FCRL4: variants seen among roughly 807,000 people sequenced by gnomAD.
FCRL4 encodes Fc receptor-like protein 4.
FCRL4 carries 43 observed loss-of-function variants against 64.1 expected under a neutral mutation model. The ratio of observed to expected loss-of-function variants is 0.67; its 90% confidence interval spans 0.53 to 0.87. The LOEUF (loss-of-function observed/expected upper bound fraction) is 0.87, where lower values mean the gene tolerates loss of function less well. Ranked by LOEUF, FCRL4 falls within the 40% of genes least tolerant of loss-of-function variation. The pLI, the probability that FCRL4 is intolerant of heterozygous loss-of-function variation, is 0.00. For missense variants in FCRL4, 656 were observed against 613.5 expected (o/e 1.07, Z -0.73); for synonymous variants, 253 against 239.8 (o/e 1.05, Z -0.51).
chr1:157,584,683 G>A (rs1652634523), intron 6 of FCRL4, among the ~76,000 whole-genome samples: 1 of 152,086 alleles, frequency 6.6e-6, no homozygotes, highest in Non-Finnish European at 1.5e-5. Flanking sequence ...AACCTGGTGG[G>A]CCCTGCTTGA....
At chr1:157,577,283 A>G (rs1269583707) in intron 10 of FCRL4, among the ~76,000 whole-genome samples, 1 of 152,218 alleles carries the variant, frequency 6.6e-6, no homozygotes, top group Non-Finnish European at 1.5e-5. Flanking sequence ...ATACTGGGAT[A>G]TAGAGCTCCC....
chr1:157,578,507 T>C lies in FCRL4; in HGVS notation c.1396A>G (p.Ile466Val). The change falls in exon 10 of 12, where the codon ATC becomes GTC. Residue 466 changes from isoleucine to valine, a missense_variant. Coordinates refer to ENST00000271532, the MANE Select transcript of FCRL4 (RefSeq NM_031282.3). The part of the protein sequence containing the change: ...PKKGDLVYSE[I>V]QTTQLGEEEE... Reference sequence around the variant, plus strand: ...TCTTCTCCCAGCTGAGTAGTCTGGATCTCAGAGTATACCAAATCTCCCTTT... The same window carrying C: ...TCTTCTCCCAGCTGAGTAGTCTGGACCTCAGAGTATACCAAATCTCCCTTT... The C allele has an allele frequency of 6.2e-7, 1 of 1,614,022 alleles. No homozygotes were observed.
Position 157,575,207 on chromosome 1 carries a change from C to G in FCRL4, c.*317G>C, listed in dbSNP as rs1043259997. ...AAATTTGTGCTTCTGTTTTTCATAA[C>G]AGTCCTTCTCTCTCTTTATCCCCCT... On this transcript the variant is annotated 3_prime_UTR_variant, in exon 12 of 12. Coordinates refer to ENST00000271532, the MANE Select transcript of FCRL4 (RefSeq NM_031282.3). 2.0e-5 allele frequency: 7 copies of G among 355,634 alleles called. No individual in the cohort carries two copies. The highest frequency in any genetic ancestry group is 1.4e-4 in the African/African-American group (7 of 49,050). The allele number at this position is 355,634 out of a possible 1,614,324, so 22.0% of individuals were successfully genotyped here. A position where few individuals can be genotyped will look rare whatever the true frequency, so the allele number is the denominator to read the frequency against.
At chr1:157,584,808 C>T (rs933176343) in intron 6 of FCRL4, among the ~76,000 whole-genome samples, 1 of 152,132 alleles carries the variant, frequency 6.6e-6, no homozygotes, top group Non-Finnish European at 1.5e-5. Flanking sequence ...TGGCTTTGAC[C>T]GTCAGAGCTG....
intron 7 of FCRL4, 56 bp from the exon 8 acceptor site, chr1:157,580,404 A>G (rs1219090740): frequency 2.5e-6 from 4 of 1,573,558 alleles, no homozygotes; most frequent in Non-Finnish European, 3.5e-6. Flanking sequence ...TTTCTCAATG[A>G]CTTCATGTAA....
At chr1:157,583,812 T>A (rs1652615370) in intron 6 of FCRL4, among the ~76,000 whole-genome samples, 1 of 152,236 alleles carries the variant, frequency 6.6e-6, no homozygotes, top group African/African-American at 2.4e-5. Context: ...CTTTGCTATA[T>A]ATTCTCCTAT....
intron 8 of FCRL4, among the ~76,000 whole-genome samples, chr1:157,579,471 C>A (rs553600723): frequency 8.9e-4 from 136 of 152,264 alleles, no homozygotes; most frequent in Non-Finnish European, 5.3e-4. Context: ...AATCCCAGCA[C>A]TTTGGGAGGC....
intron 8 of FCRL4, among the ~76,000 whole-genome samples, chr1:157,579,672 G>A (rs898272133): frequency 2.1e-5 from 3 of 146,278 alleles, no homozygotes; most frequent in Non-Finnish European, 4.5e-5. Flanking sequence ...AGCTAAGATC[G>A]TGCCACTGCA....
chr1:157,588,073 T>C lies in FCRL4; in HGVS notation c.354A>G (p.Thr118=), dbSNP rs748170757. 1 of 1,613,862 alleles carries C rather than the reference T, an allele frequency of 6.2e-7. No individual in the cohort carries two copies. The highest frequency in any genetic ancestry group is 8.5e-7 in the Non-Finnish European group (1 of 1,179,910). Reference sequence around the variant, plus strand: ...TTCTTCTGTGGCATCTCAGAACCAATGTGTCACCTTCAAACACAGAATATG... The same window carrying C: ...TTCTTCTGTGGCATCTCAGAACCAACGTGTCACCTTCAAACACAGAATATG... ...QAPYSVFEGD[T]LVLRCHRRRK... Residue 118 remains threonine (T), a synonymous_variant, in exon 4 of 12, where the codon ACA becomes ACG. Transcript: ENST00000271532.
chr1:157,584,377 T>TA (rs72402109), intron 6 of FCRL4, among the ~76,000 whole-genome samples: 4,417 of 148,384 alleles, frequency 0.03, 149 homozygotes, highest in African/African-American at 0.081. Flanking sequence ...AAAAATAAAT[T>TA]AAAAAAAAAA....
In FCRL4 at chr1:157,575,528, C is replaced by T. The variant is rs771971609; in HGVS notation, c.1544G>A (p.Ser515Asn). Residue 515 changes from serine to asparagine, a missense_variant, in exon 12 of 12, where the codon AGT becomes AAT. Transcript: ENST00000271532. The stretch of plus-strand genomic sequence containing the variant: ...TTCTCGTAACTTTTCATTCTCTTAA[C>T]TTTCTTCATCCTTAGAGCTGATCTT... The part of the protein sequence containing the change: ...AGKISSKDEE[S>N] The T allele has an allele frequency of 1.9e-6, 3 of 1,612,640 alleles. No individual in the cohort carries two copies. In the Admixed American group the frequency reaches 5.0e-5, roughly 27 times the overall value.
chr1:157,591,438 G>T (rs912963682), intron 2 of FCRL4, among the ~76,000 whole-genome samples: 2 of 152,182 alleles, frequency 1.3e-5, no homozygotes, highest in Admixed American at 6.5e-5. Context: ...TGAGCATGTG[G>T]TGGGACAGGG....
chr1:157,596,006 T>C (rs984820399), intron 2 of FCRL4, among the ~76,000 whole-genome samples: 1 of 152,236 alleles, frequency 6.6e-6, no homozygotes, highest in Admixed American at 6.5e-5. Context: ...CCTTTTCCTC[T>C]TGGGATGCTA....
chr1:157,577,276 C>G (rs142918259), intron 10 of FCRL4, among the ~76,000 whole-genome samples: 3 of 152,240 alleles, frequency 2.0e-5, no homozygotes, highest in African/African-American at 7.2e-5. Flanking sequence ...TTCCCTGATA[C>G]TGGGATATAG....
At chr1:157,588,565 C>T (rs1419631877) in intron 3 of FCRL4, among the ~76,000 whole-genome samples, 2 of 152,208 alleles carry the variant, frequency 1.3e-5, no homozygotes, top group Admixed American at 6.5e-5. Flanking sequence ...GTTGAAGGGA[C>T]AGTGGATGTG....
In FCRL4 at chr1:157,578,463, C is replaced by G; in HGVS notation, c.1429+11G>C. On this transcript the variant is annotated intron_variant, in intron 10 of 11. Coordinates refer to ENST00000271532, the MANE Select transcript of FCRL4 (RefSeq NM_031282.3). ...ATAGTTTGCAGCCAGAATCTCTTCC[C>G]AAAGACGTACCTTCCTCTTCTTCTC... 1 of 1,609,396 alleles carries G rather than the reference C, an allele frequency of 6.2e-7. No homozygotes were observed. The highest frequency in any genetic ancestry group is 8.5e-7 in the Non-Finnish European group (1 of 1,175,734).
chr1:157,593,913 T>C (rs1290986923), intron 2 of FCRL4, among the ~76,000 whole-genome samples: 2 of 152,236 alleles, frequency 1.3e-5, no homozygotes, highest in African/African-American at 2.4e-5. Context: ...ATAATACTAC[T>C]ATCTAGCCTT....
chr1:157,592,547 T>C (rs1056401617), intron 2 of FCRL4, among the ~76,000 whole-genome samples: 9 of 152,302 alleles, frequency 5.9e-5, no homozygotes, highest in African/African-American at 1.7e-4. Flanking sequence ...TACCATCTCA[T>C]GCCAGTTAGA....
intron 1 of FCRL4, among the ~76,000 whole-genome samples, chr1:157,597,330 T>C (rs1208236719): frequency 6.6e-6 from 1 of 152,232 alleles, no homozygotes; most frequent in East Asian, 1.9e-4. Flanking sequence ...AACAAAAGAC[T>C]GACTGTTCTT....
Sources: allele counts gnomAD v4.1 joint callset (sites outside exome capture counted in the v4.1 genomes callset), GRCh38; gene constraint gnomAD v4.1.1; transcripts MANE v1.5; gene names NCBI Gene and HGNC (gene_info 2026-07-23, HGNC 2026-07-21).